Variants in PLXND1 observed in about 807,000 individuals in gnomAD.
The protein encoded by PLXND1 is plexin D1, also known as plexin-D1.
A neutral mutation model predicts 197.7 loss-of-function variants in PLXND1; 54 were observed. The observed-to-expected ratio is 0.27, with a 90% CI of 0.22 to 0.34. The LOEUF is 0.34. Ranked by LOEUF, PLXND1 falls within the 10% of genes least tolerant of loss-of-function variation. The pLI, the probability that PLXND1 is intolerant of heterozygous loss-of-function variation, is 1.00. For synonymous variants in PLXND1, 1,180 were observed against 1,161.2 expected (o/e 1.02, Z -0.33); for missense variants, 2,127 against 2,699.2 (o/e 0.79, Z 4.70).
At position 129,571,842 on chromosome 3, in the gene PLXND1, C is replaced by T. The variant is rs754831143; in HGVS notation, c.3080G>A (p.Arg1027His). The T allele has an allele frequency of 1.6e-5, 25 of 1,609,206 alleles. No homozygotes were observed. The highest frequency in any genetic ancestry group is 6.7e-5 in the African/African-American group (5 of 74,810). The change falls in exon 16 of 36, where the codon CGC becomes CAC. Residue 1027 changes from arginine (R) to histidine (H), a missense_variant and splice_region_variant. Around this residue, in one of 6 missense-constraint regions of PLXND1, gnomAD observed 1,095 missense variants for 1,259.8 expected, o/e 0.87. Transcript: ENST00000324093. Reference protein sequence around the residue: ...NDTDPCTELMRTDTSIACTMP... With the variant: ...NDTDPCTELMHTDTSIACTMP... Reference sequence around the variant, plus strand: ...GGTGCAGGCGATGCTGGTATCTGTGCGCCTGGGGGGAGCAGCAGGTTATCA... The same window carrying T: ...GGTGCAGGCGATGCTGGTATCTGTGTGCCTGGGGGGAGCAGCAGGTTATCA...
At chr3:129,603,427 G>C (rs1294817303) in intron 1 of PLXND1, among the ~76,000 whole-genome samples, 1 of 152,178 alleles carries the variant, frequency 6.6e-6, no homozygotes, top group African/African-American at 2.4e-5. Flanking sequence ...TACACCAAAG[G>C]GCCGAGACAC....
At chr3:129,561,147 C>T in intron 29 of PLXND1, 1 of 467,142 alleles carries the variant, frequency 2.1e-6, no homozygotes, top group Non-Finnish European at 4.3e-6. Flanking sequence ...TGCCTTTGCC[C>T]ACCCCACCCC....
chr3:129,565,092 T>C (rs147238729), intron 25 of PLXND1, among the ~76,000 whole-genome samples: 1 of 152,238 alleles, frequency 6.6e-6, no homozygotes, highest in Non-Finnish European at 1.5e-5. Flanking sequence ...ACAAGGCCCC[T>C]GACACAACCT....
rs371946568 is a variant in PLXND1 at position 129,571,266 on chromosome 3, G to T, written c.3374C>A (p.Pro1125Gln). Residue 1125 changes from proline (P) to glutamine (Q), a missense_variant, in exon 18 of 36, where the codon CCG (proline) becomes CAG (glutamine). Transcript: ENST00000324093. ...TGCGTTGCTCAGGGCCCCGGGGGACGGGCAGGTGATGAGGGTGGAGTTGAG... is the reference window on the plus strand; with the variant it reads ...TGCGTTGCTCAGGGCCCCGGGGGACTGGCAGGTGATGAGGGTGGAGTTGAG... The part of the protein sequence containing the change: ...KVLNSTLITC[P>Q]SPGALSNASA... 1 of 1,613,766 alleles carries T rather than the reference G, an allele frequency of 6.2e-7. No individual in the cohort carries two copies. The highest frequency in any genetic ancestry group is 8.5e-7 in the Non-Finnish European group (1 of 1,179,842).
chr3:129,561,611 A>T, intron 29 of PLXND1, 35 bp downstream of exon 29: 1 of 1,516,114 alleles, frequency 6.6e-7, no homozygotes, highest in East Asian at 2.3e-5. Context: ...GTCCACACGC[A>T]GCCTGGGCTC....
chr3:129,599,198 AAT>A (rs2085670132), intron 1 of PLXND1, among the ~76,000 whole-genome samples: 1 of 152,162 alleles, frequency 6.6e-6, no homozygotes, highest in Admixed American at 6.5e-5. Flanking sequence ...TGGTTTCCTT[AAT>A]CTCCATGGAG....
intron 2 of PLXND1, among the ~76,000 whole-genome samples, chr3:129,588,377 G>A (rs1165848485): frequency 6.6e-6 from 1 of 152,166 alleles, no homozygotes; most frequent in Admixed American, 6.5e-5. Context: ...GGAGGGGCCT[G>A]GCTCATGTTC....
chr3:129,606,178 G>A lies in PLXND1; in HGVS notation c.462C>T (p.Gly154=). 1 of 1,546,586 alleles carries A rather than the reference G, an allele frequency of 6.5e-7. No homozygotes were observed. Among genetic ancestry groups the A allele is most frequent in the Non-Finnish European group, 8.7e-7 (1 of 1,153,342 alleles). Residue 154 remains glycine (G), a synonymous_variant, in exon 1 of 36, where the codon GGC becomes GGT. Coordinates refer to ENST00000324093, the MANE Select transcript of PLXND1 (RefSeq NM_015103.3). The part of the protein sequence containing the change: ...YQGFCQLRRR[G]NISAVAVRFP... ...AGCGCACGGCCACGGCCGAGATGTT[G>A]CCCCGGCGCCGCAGCTGGCAGAAGC...
chr3:129,556,583 C>A, intron 35 of PLXND1, 34 bp downstream of exon 35: 1 of 1,530,370 alleles, frequency 6.5e-7, no homozygotes, highest in South Asian at 1.1e-5. Flanking sequence ...GCTCACCTAC[C>A]CCGAGGGCAG....
intron 20 of PLXND1, among the ~76,000 whole-genome samples, chr3:129,568,044 A>T (rs2085168371): frequency 6.6e-6 from 1 of 152,012 alleles, no homozygotes; most frequent in Non-Finnish European, 1.5e-5. Flanking sequence ...TCCTTAGAAA[A>T]AGAAGTGTGT....
Position 129,556,295 on chromosome 3 carries a change from C to G in PLXND1, c.*17G>C, listed in dbSNP as rs2084971953. 1 of 1,527,564 alleles carries G rather than the reference C, an allele frequency of 6.5e-7. No individual in the cohort carries two copies. Among genetic ancestry groups the G allele is most frequent in the Non-Finnish European group, 9.1e-7 (1 of 1,101,454 alleles). The allele number at this position is 1,527,564 out of a possible 1,614,324, so 94.6% of individuals were successfully genotyped here. On this transcript the variant is annotated 3_prime_UTR_variant, in exon 36 of 36. Transcript: ENST00000324093. ...TCCATTTCTCCCAGCAGCAGCCTGA[C>G]CAACTCTCCATGTGTCTCAGGCCTC...
chr3:129,562,304 G>C (rs911093606), intron 27 of PLXND1, among the ~76,000 whole-genome samples: 6 of 152,168 alleles, frequency 3.9e-5, no homozygotes, highest in African/African-American at 1.4e-4. Context: ...CTTGAGCCCA[G>C]GAGTTCAAGA....
intron 8 of PLXND1, among the ~76,000 whole-genome samples, chr3:129,580,017 CTT>C (rs921014392): frequency 4.6e-5 from 7 of 152,278 alleles, no homozygotes; most frequent in African/African-American, 1.2e-4. Flanking sequence ...ACTTTGCACT[CTT>C]TTAATTTACC....
chr3:129,560,761 G>C (rs756152342), intron 29 of PLXND1, 38 bp from the exon 30 acceptor site: 51 of 1,209,870 alleles, frequency 4.2e-5, no homozygotes, highest in Non-Finnish European at 6.3e-5. Flanking sequence ...ACACGGGAGA[G>C]GAGAGGAGAG....
intron 21 of PLXND1, 21 bp from the exon 22 acceptor site, chr3:129,567,625 C>G (rs779578626): frequency 6.3e-7 from 1 of 1,595,458 alleles, no homozygotes; most frequent in Non-Finnish European, 8.6e-7. Context: ...CACGGACAGC[C>G]GTGAGCGGCC....
Sources: allele counts gnomAD v4.1 joint callset (sites outside exome capture counted in the v4.1 genomes callset), GRCh38; gene constraint gnomAD v4.1.1; regional missense constraint gnomAD v4.1.1; transcripts MANE v1.5; gene names NCBI Gene and HGNC (gene_info 2026-07-23, HGNC 2026-07-21).